The following DYNC2LI1 variants were observed in gnomAD, a reference collection of about 807,000 sequenced individuals.
The protein encoded by DYNC2LI1 is cytoplasmic dynein 2 light intermediate chain 1.
DYNC2LI1 carries 45 observed loss-of-function variants against 51.9 expected under a neutral mutation model. That is an observed-to-expected ratio of 0.87 (90% CI 0.68 to 1.11). The LOEUF (loss-of-function observed/expected upper bound fraction) is 1.11. DYNC2LI1 is among the 50% of genes most tolerant of loss of function. DYNC2LI1 has a pLI of 0.00. For missense variants in DYNC2LI1, 490 were observed against 417.4 expected, an observed-to-expected ratio of 1.17 and a Z score of -1.51; for synonymous variants, 130 against 137.8, an observed-to-expected ratio of 0.94 and a Z score of 0.40.
chr2:43,828,209 G>A, the DYNC2LI1 span: 49 of 1,576,250 alleles, frequency 3.1e-5, no homozygotes, highest in Admixed American at 3.8e-4. Context: ...GCAGCACACC[G>A]CCCAAGAATC....
intron 8 of DYNC2LI1, among the ~76,000 whole-genome samples, chr2:43,798,281 T>C (rs1665957637): frequency 6.6e-6 from 1 of 152,250 alleles, no homozygotes; most frequent in African/African-American, 2.4e-5. Context: ...TTGTCAGTTT[T>C]TATACCTTTC....
chr2:43,804,694 T>C lies in DYNC2LI1; in HGVS notation c.855T>C (p.Pro285=). 6.2e-7 allele frequency: 1 copy of C among 1,607,924 alleles called. No homozygotes were observed. Among genetic ancestry groups the C allele is most frequent in the Non-Finnish European group, 8.5e-7 (1 of 1,177,896 alleles). Residue 285 remains proline (P), a synonymous_variant, in exon 11 of 13, where the codon CCT becomes CCC. Coordinates refer to ENST00000260605, the MANE Select transcript of DYNC2LI1 (RefSeq NM_016008.4). The stretch of plus-strand genomic sequence containing the variant: ...TTGGAAAGCTTCATGCCCACTCACC[T>C]ATGGAGTTGTGGAAAAAAGTGTATG... ...NDIGKLHAHS[P]MELWKKVYEK... is the part of the protein sequence containing the mutation.
the DYNC2LI1 span, among the ~76,000 whole-genome samples, chr2:43,820,851 G>GA: frequency 6.6e-6 from 1 of 151,966 alleles, no homozygotes; most frequent in Non-Finnish European, 1.5e-5. Flanking sequence ...ATGGGGTTTT[G>GA]CCATATTGGC....
Position 43,783,503 on chromosome 2 carries a change from T to A in DYNC2LI1, c.127-17T>A. 1 of 1,528,854 alleles carries A rather than the reference T, an allele frequency of 6.5e-7. No individual in the cohort carries two copies. Among genetic ancestry groups the A allele is most frequent in the Non-Finnish European group, 8.8e-7 (1 of 1,140,906 alleles). 94.7% of individuals were successfully genotyped at this position (1,528,854 alleles called of 1,614,324 possible). Reference sequence around the variant, plus strand: ...TGAGTGACATTAACGCAGTGTTCCTTCTTTTTTAATTTCCAGGGAAAGACT... The same window carrying A: ...TGAGTGACATTAACGCAGTGTTCCTACTTTTTTAATTTCCAGGGAAAGACT... On this transcript the variant is annotated splice_polypyrimidine_tract_variant and intron_variant, in intron 2 of 12. Coordinates refer to ENST00000260605, the MANE Select transcript of DYNC2LI1 (RefSeq NM_016008.4).
the DYNC2LI1 span, chr2:43,826,398 C>T: frequency 1.1e-4 from 179 of 1,613,890 alleles, 1 homozygote; most frequent in South Asian, 4.0e-4. Flanking sequence ...AAGCTCAGAA[C>T]GGGGCTGGTG....
chr2:43,817,776 GGCAGGCACCTGTAATCCCA>G, the DYNC2LI1 span, among the ~76,000 whole-genome samples: 35 of 152,072 alleles, frequency 2.3e-4, no homozygotes, highest in Non-Finnish European at 4.7e-4. Context: ...CAGGTGTAAT[GGCAGGCACCTGTAATCCCA>G]GCTACTCGGG....
intron 4 of DYNC2LI1, among the ~76,000 whole-genome samples, chr2:43,788,097 C>T (rs1481102007): frequency 6.6e-6 from 1 of 152,050 alleles, no homozygotes; most frequent in African/African-American, 2.4e-5. Context: ...AGTAATAAGC[C>T]TAGAAATGTA....
At chr2:43,786,443 A>G (rs1325586798) in intron 3 of DYNC2LI1, among the ~76,000 whole-genome samples, 1 of 151,982 alleles carries the variant, frequency 6.6e-6, no homozygotes, top group Non-Finnish European at 1.5e-5. Flanking sequence ...CAGCCTCCCA[A>G]AGTGCTAGGA....
chr2:43,776,634 C>G (rs998146773), intron 1 of DYNC2LI1, 148 bp from the exon 2 acceptor site: 1 of 539,088 alleles, frequency 1.9e-6, no homozygotes, highest in Non-Finnish European at 3.3e-6. Flanking sequence ...ATGACTAATC[C>G]TCAGATGTTT....
At chr2:43,826,513 G>A in the DYNC2LI1 span, 1 of 1,614,214 alleles carries the variant, frequency 6.2e-7, no homozygotes, top group South Asian at 1.1e-5. Context: ...TCATCAAACA[G>A]CATGACCTCT....
the DYNC2LI1 span, among the ~76,000 whole-genome samples, chr2:43,818,838 A>T: frequency 1.3e-5 from 2 of 152,160 alleles, no homozygotes; most frequent in African/African-American, 4.8e-5. Context: ...GTTCCTTCTC[A>T]TGATCCCTTG....
chr2:43,819,481 CTT>C, the DYNC2LI1 span, among the ~76,000 whole-genome samples: 22 of 143,058 alleles, frequency 1.5e-4, no homozygotes, highest in African/African-American at 3.0e-4. Context: ...ATCCTGCAGG[CTT>C]TTTTTTTTTT....
chr2:43,796,023 T>G (rs1572711612), intron 7 of DYNC2LI1, 65 bp downstream of exon 7: 1 of 1,087,214 alleles, frequency 9.2e-7, no homozygotes, highest in Non-Finnish European at 1.4e-6. Flanking sequence ...ATGAGGGAGG[T>G]ACAAAAATAA....
At chr2:43,794,821 A>C (rs1484033236) in intron 6 of DYNC2LI1, 178 bp downstream of exon 6, 1 of 1,459,288 alleles carries the variant, frequency 6.9e-7, no homozygotes, top group Admixed American at 2.7e-5. Context: ...CAAAACAAGG[A>C]AGAAGATTCC....
chr2:43,776,017 TTTTG>T (rs898636617), intron 1 of DYNC2LI1, among the ~76,000 whole-genome samples: 7 of 151,816 alleles, frequency 4.6e-5, no homozygotes, highest in African/African-American at 7.3e-5. Flanking sequence ...AGCCAATTTT[TTTTG>T]TTTGTTTTCT....
intron 4 of DYNC2LI1, among the ~76,000 whole-genome samples, chr2:43,788,985 C>T (rs1673651076): frequency 6.6e-6 from 1 of 152,132 alleles, no homozygotes; most frequent in Non-Finnish European, 1.5e-5. Context: ...TGTCAGTTTC[C>T]TATTATTTTG....
chr2:43,777,829 A>G (rs1170144100), intron 2 of DYNC2LI1, among the ~76,000 whole-genome samples: 2 of 152,200 alleles, frequency 1.3e-5, no homozygotes, highest in African/African-American at 2.4e-5. Context: ...TTAAGATTAC[A>G]TATATTGGGA....
chr2:43,789,711 G>A lies in DYNC2LI1; in HGVS notation c.310G>A (p.Asp104Asn), dbSNP rs748999743. Residue 104 changes from aspartate (D) to asparagine (N), a missense_variant, in exon 5 of 13, where the codon GAC (aspartate) becomes AAC (asparagine). Transcript: ENST00000260605. ...CTTAATCAGCATACCCATCACAGGT[G>A]ACACCTTACGGTAAGTGAGCCAGCT... The part of the protein sequence containing the change: ...LDLISIPITG[D>N]TLRTFSLVLV... 2 of 1,613,640 alleles carry A rather than the reference G, an allele frequency of 1.2e-6. No individual in the cohort carries two copies. The highest frequency in any genetic ancestry group is 1.7e-6 in the Non-Finnish European group (2 of 1,179,762).
chr2:43,793,648 C>T (rs1673897627), intron 5 of DYNC2LI1: 1 of 150,980 alleles, frequency 6.6e-6, no homozygotes, highest in South Asian at 2.1e-4. Context: ...ACTATGTTGC[C>T]CAGGCTGGTC....
Sources: gnomAD v4.1 joint callset for allele counts (sites outside exome capture counted in the v4.1 genomes callset) on GRCh38, gnomAD v4.1.1 for gene constraint, MANE v1.5 for transcripts, NCBI Gene and HGNC (gene_info 2026-07-23, HGNC 2026-07-21) for gene names.